The following ENOX1 variants were observed in gnomAD, a reference collection of about 807,000 sequenced individuals.
ENOX1 encodes ecto-NOX disulfide-thiol exchanger 1, also known as candidate growth-related and time keeping constitutive hydroquinone (NADH) oxidase.
ENOX1 carries 42 observed loss-of-function variants against 82.5 expected under a neutral mutation model. The ratio of observed to expected loss-of-function variants is 0.51; its 90% CI spans 0.40 to 0.66. The LOEUF (loss-of-function observed/expected upper bound fraction) is 0.66. Among genes scored for constraint, ENOX1 ranks in the 30% least tolerant of loss-of-function variants. The pLI is 0.00. For synonymous variants in ENOX1, 271 were observed against 282.2 expected (o/e 0.96, Z 0.40); for missense variants, 608 against 811.6 (o/e 0.75, Z 3.05).
At chr13:43,439,663 GTTC>G (rs1441874160) in intron 3 of ENOX1, among the ~76,000 whole-genome samples, 1 of 44,516 alleles carries the variant, frequency 2.2e-5, no homozygotes, top group East Asian at 3.2e-4. Flanking sequence ...ATAGCAACTC[GTTC>G]TTTAACATTT....
intron 2 of ENOX1, chr13:43,544,716 A>G (rs1382551342): frequency 6.6e-6 from 1 of 152,194 alleles, no homozygotes; most frequent in Non-Finnish European, 1.5e-5. Context: ...AAATGATCCA[A>G]CTACAAAGAG....
chr13:43,300,714 T>C (rs2046523461), intron 11 of ENOX1, among the ~76,000 whole-genome samples: 2 of 152,186 alleles, frequency 1.3e-5, no homozygotes, highest in South Asian at 4.1e-4. Flanking sequence ...CTGACAGCGC[T>C]TGGAGTAGTG....
At chr13:43,505,619 T>A (rs2077128284) in intron 2 of ENOX1, among the ~76,000 whole-genome samples, 1 of 151,886 alleles carries the variant, frequency 6.6e-6, no homozygotes, top group South Asian at 2.1e-4. Context: ...TCTTGTAAAT[T>A]TGTTTGAGTT....
At chr13:43,683,959 A>G (rs1034982096) in intron 1 of ENOX1, among the ~76,000 whole-genome samples, 1 of 152,046 alleles carries the variant, frequency 6.6e-6, no homozygotes, top group African/African-American at 2.4e-5. Flanking sequence ...GAAGATGTAC[A>G]TGTCTGTAAA....
intron 14 of ENOX1, among the ~76,000 whole-genome samples, chr13:43,241,121 C>T (rs532898104): frequency 6.6e-6 from 1 of 152,248 alleles, no homozygotes; most frequent in East Asian, 1.9e-4. Context: ...CACATAAGGA[C>T]ATTGAATCAT....
intron 2 of ENOX1, among the ~76,000 whole-genome samples, chr13:43,577,568 A>G (rs555550484): frequency 1.8e-4 from 28 of 152,308 alleles, no homozygotes; most frequent in African/African-American, 6.7e-4. Flanking sequence ...AAAAGGGCAA[A>G]AGAAAGAAAA....
intron 3 of ENOX1, among the ~76,000 whole-genome samples, chr13:43,468,550 G>A (rs1345071184): frequency 6.6e-6 from 1 of 151,722 alleles, no homozygotes; most frequent in Non-Finnish European, 1.5e-5. Flanking sequence ...AGCTCTTAGG[G>A]AGGCAGAATC....
intron 14 of ENOX1, among the ~76,000 whole-genome samples, chr13:43,252,243 C>T (rs537786932): frequency 4.5e-4 from 68 of 152,296 alleles, no homozygotes; most frequent in African/African-American, 1.5e-3. Context: ...CCACAAGTCT[C>T]CCCTGCAAGG....
At chr13:43,214,485 T>C (rs2153447320) in intron 16 of ENOX1, among the ~76,000 whole-genome samples, 1 of 152,298 alleles carries the variant, frequency 6.6e-6, no homozygotes, top group South Asian at 2.1e-4. Flanking sequence ...AAGCTACTAG[T>C]GGCTTCATCC....
At chr13:43,483,110 G>A (rs535944866) in intron 3 of ENOX1, among the ~76,000 whole-genome samples, 10 of 152,252 alleles carry the variant, frequency 6.6e-5, no homozygotes, top group Admixed American at 5.9e-4. Context: ...TGTCACCGTG[G>A]ACAGAATAAA....
At chr13:43,582,910 G>C (rs1234014171) in intron 2 of ENOX1, among the ~76,000 whole-genome samples, 5 of 152,102 alleles carry the variant, frequency 3.3e-5, no homozygotes, top group African/African-American at 1.2e-4. Context: ...TTCCAGAAGA[G>C]AGAGAAATAT....
At chr13:43,690,929 C>G (rs1050233477) in intron 1 of ENOX1, among the ~76,000 whole-genome samples, 3 of 152,154 alleles carry the variant, frequency 2.0e-5, no homozygotes, top group Non-Finnish European at 4.4e-5. Context: ...TCGCCAACAC[C>G]ATGTGTACAT....
intron 2 of ENOX1, among the ~76,000 whole-genome samples, chr13:43,556,460 T>C: frequency 6.6e-6 from 1 of 152,170 alleles, no homozygotes; most frequent in East Asian, 1.9e-4. Flanking sequence ...TTTTTTCTTA[T>C]AAGCTCAAAT....
chr13:43,736,865 T>C (rs986973273), intron 1 of ENOX1, among the ~76,000 whole-genome samples: 1 of 152,148 alleles, frequency 6.6e-6, no homozygotes, highest in African/African-American at 2.4e-5. Flanking sequence ...AGATGAAACT[T>C]TGATGGTCAT....
In ENOX1 at chr13:43,631,159, C is replaced by T. The variant is rs186730203; in HGVS notation, c.-219+36320G>A. Among the ~76,000 whole-genome samples, 15 of 152,122 alleles carry T rather than the reference C, an allele frequency of 9.9e-5. No individual in the cohort carries two copies. In the East Asian group the frequency reaches 2.5e-3, roughly 25 times the overall value. On this transcript the variant is annotated intron_variant, in intron 2 of 16. Transcript: ENST00000690772. ...GGGTATTTAAGTTTTTACATTTTTG[C>T]CACTTTTAATAACACTGCAATGCAT...
chr13:43,283,754 T>TG (rs1403088095), intron 12 of ENOX1, among the ~76,000 whole-genome samples: 2 of 151,892 alleles, frequency 1.3e-5, no homozygotes, highest in South Asian at 2.1e-4. Context: ...CCTGGCCTAT[T>TG]TTTTTTTCAA....
chr13:43,684,001 T>G (rs1405392192), intron 1 of ENOX1, among the ~76,000 whole-genome samples: 1 of 149,478 alleles, frequency 6.7e-6, no homozygotes, highest in African/African-American at 2.5e-5. Flanking sequence ...AACCCTGTTA[T>G]TTCCAAGGCC....
intron 5 of ENOX1, among the ~76,000 whole-genome samples, chr13:43,362,156 TACACACACACACACACAC>T (rs10531058): frequency 6.9e-6 from 1 of 145,746 alleles, no homozygotes; most frequent in Non-Finnish European, 1.5e-5. Flanking sequence ...TGCCCTGTAT[TACACACACACACACACAC>T]ACACACACAC....
intron 2 of ENOX1, among the ~76,000 whole-genome samples, chr13:43,514,843 T>C (rs947218639): frequency 6.9e-5 from 5 of 72,198 alleles, no homozygotes; most frequent in Non-Finnish European, 1.4e-4. Flanking sequence ...AGGAGACAGG[T>C]GGTTTCTATG....
Sources: gnomAD v4.1 joint callset for allele counts (sites outside exome capture counted in the v4.1 genomes callset) on GRCh38, gnomAD v4.1.1 for gene constraint, MANE v1.5 for transcripts, NCBI Gene and HGNC (gene_info 2026-07-23, HGNC 2026-07-21) for gene names.